ADGRB3: variants seen among roughly 807,000 people sequenced by gnomAD.
ADGRB3 encodes brain-specific angiogenesis inhibitor 3.
Under a neutral mutation model 193.4 loss-of-function variants are expected in ADGRB3, and 37 were observed. The observed-to-expected ratio is 0.19, with a 90% CI of 0.15 to 0.25. The LOEUF is 0.25. Ranked by LOEUF, ADGRB3 falls within the 10% of genes least tolerant of loss-of-function variation. ADGRB3 has a pLI of 1.00. For missense variants in ADGRB3, 1,637 were observed against 1,852.9 expected (o/e 0.88, Z 2.14); for synonymous variants, 690 against 644.2 (o/e 1.07, Z -1.08).
intron 17 of ADGRB3, among the ~76,000 whole-genome samples, chr6:69,141,674 C>A (rs956643499): frequency 6.6e-6 from 1 of 151,906 alleles, no homozygotes; most frequent in Admixed American, 6.6e-5. Flanking sequence ...CCATGTGGAA[C>A]CGTGAAGATC....
At chr6:69,125,272 G>GCCCT (rs1773823360) in intron 17 of ADGRB3, among the ~76,000 whole-genome samples, 1 of 152,104 alleles carries the variant, frequency 6.6e-6, no homozygotes, top group Non-Finnish European at 1.5e-5. Context: ...CATACAAGGA[G>GCCCT]CCCTCCCCAG....
intron 3 of ADGRB3, among the ~76,000 whole-genome samples, chr6:68,805,093 AT>A (rs1289147116): frequency 1.3e-5 from 2 of 151,862 alleles, no homozygotes; most frequent in Admixed American, 6.6e-5. Context: ...ATACCCGGCT[AT>A]TTTATTTTAC....
chr6:68,911,373 A>G (rs13190994), intron 3 of ADGRB3, among the ~76,000 whole-genome samples: 46,291 of 151,532 alleles, frequency 0.31, 7,537 homozygotes, highest in Middle Eastern at 0.51. Context: ...CGTATGTAAC[A>G]AACCTGCACG....
At chr6:69,384,727 G>GTTGTCAT (rs1770025499) in intron 31 of ADGRB3, among the ~76,000 whole-genome samples, 1 of 152,012 alleles carries the variant, frequency 6.6e-6, no homozygotes, top group South Asian at 2.1e-4. Flanking sequence ...AAGGTTAGGA[G>GTTGTCAT]TGGGGAGGAT....
intron 3 of ADGRB3, among the ~76,000 whole-genome samples, chr6:68,781,842 A>C (rs936514178): frequency 6.6e-6 from 1 of 152,058 alleles, no homozygotes; most frequent in Non-Finnish European, 1.5e-5. Context: ...GAAGCCTAAA[A>C]GCCAGGGAGC....
At chr6:68,941,938 A>G (rs1030932532) in intron 5 of ADGRB3, among the ~76,000 whole-genome samples, 2 of 150,792 alleles carry the variant, frequency 1.3e-5, no homozygotes, top group African/African-American at 4.9e-5. Flanking sequence ...ATATATATAT[A>G]TCAATGGATA....
chr6:68,679,810 A>G (rs150571933), intron 3 of ADGRB3, among the ~76,000 whole-genome samples: 2 of 152,304 alleles, frequency 1.3e-5, no homozygotes, highest in Admixed American at 6.5e-5. Flanking sequence ...AATGTAGTAT[A>G]TTTTTCCTAT....
chr6:69,001,489 G>A (rs1422882865), intron 11 of ADGRB3, among the ~76,000 whole-genome samples: 1 of 152,144 alleles, frequency 6.6e-6, no homozygotes, highest in Non-Finnish European at 1.5e-5. Context: ...ACATGGATTG[G>A]TGAGTAGAGA....
rs1417602848 is a variant in ADGRB3 at position 68,660,257 on chromosome 6, G to T, written c.757+20825G>T. Among the ~76,000 whole-genome samples the T allele has an allele frequency of 2.7e-5, 4 of 148,786 alleles. No homozygotes were observed. In the East Asian group the frequency reaches 7.9e-4, roughly 29 times the overall value. On this transcript the variant is annotated intron_variant, in intron 3 of 31. Transcript: ENST00000370598. ...ATATTTTATAATATATTTCATATAAGTACAGTATTAAAATATATTTTAATA... is the reference window on the plus strand; with the variant it reads ...ATATTTTATAATATATTTCATATAATTACAGTATTAAAATATATTTTAATA...
At chr6:69,252,863 A>G (rs1766653894) in intron 20 of ADGRB3, among the ~76,000 whole-genome samples, 1 of 152,070 alleles carries the variant, frequency 6.6e-6, no homozygotes, top group African/African-American at 2.4e-5. Flanking sequence ...TTACTCCTCT[A>G]GGTCATAAAA....
chr6:68,989,607 G>A (rs1032742637), intron 10 of ADGRB3, among the ~76,000 whole-genome samples: 2 of 152,062 alleles, frequency 1.3e-5, no homozygotes, highest in African/African-American at 4.8e-5. Context: ...TAATAACAAC[G>A]TGATTATTTT....
intron 4 of ADGRB3, among the ~76,000 whole-genome samples, chr6:68,935,972 T>TG (rs761461412): frequency 2.6e-5 from 4 of 152,066 alleles, no homozygotes; most frequent in Non-Finnish European, 5.9e-5. Context: ...TATCATAGTA[T>TG]GAAAAAGTAG....
At chr6:69,347,881 C>T (rs971203857) in intron 26 of ADGRB3, among the ~76,000 whole-genome samples, 10 of 152,008 alleles carry the variant, frequency 6.6e-5, no homozygotes, top group Non-Finnish European at 1.0e-4. Flanking sequence ...GAGAATGAGG[C>T]GCACAAAACT....
chr6:69,350,981 C>G (rs972783694), intron 26 of ADGRB3, among the ~76,000 whole-genome samples: 16 of 152,010 alleles, frequency 1.1e-4, no homozygotes, highest in African/African-American at 3.6e-4. Flanking sequence ...CTGAAGTATT[C>G]TATTCTGTGA....
intron 3 of ADGRB3, among the ~76,000 whole-genome samples, chr6:68,850,579 A>G (rs1033265326): frequency 4.6e-5 from 7 of 151,964 alleles, no homozygotes; most frequent in Middle Eastern, 3.2e-3. Flanking sequence ...TTGAAATTGT[A>G]TACTTCTGAT....
intron 17 of ADGRB3, chr6:69,232,661 G>T (rs1766168856): frequency 6.6e-7 from 1 of 1,525,324 alleles, no homozygotes; most frequent in Non-Finnish European, 8.8e-7. Flanking sequence ...TGGATACCAG[G>T]CAAAGGCAAT....
intron 3 of ADGRB3, among the ~76,000 whole-genome samples, chr6:68,885,013 A>G (rs1765868222): frequency 6.6e-6 from 1 of 152,228 alleles, no homozygotes; most frequent in Non-Finnish European, 1.5e-5. Flanking sequence ...AAAGTTAATC[A>G]TAAAATATTT....
intron 17 of ADGRB3, among the ~76,000 whole-genome samples, chr6:69,120,330 G>A (rs1016374929): frequency 4.6e-5 from 7 of 152,180 alleles, no homozygotes; most frequent in African/African-American, 1.7e-4. Flanking sequence ...ATTCAATAAG[G>A]AGCTCTGGCC....
intron 17 of ADGRB3, among the ~76,000 whole-genome samples, chr6:69,155,788 T>C (rs960585522): frequency 1.2e-4 from 19 of 152,160 alleles, no homozygotes; most frequent in African/African-American, 4.6e-4. Context: ...GAGAAGATAG[T>C]AGTTTGACAA....
Sources: allele counts gnomAD v4.1 joint callset (sites outside exome capture counted in the v4.1 genomes callset), GRCh38; gene constraint gnomAD v4.1.1; transcripts MANE v1.5; gene names NCBI Gene and HGNC (gene_info 2026-07-23, HGNC 2026-07-21).